Variants in ERI2 observed in about 807,000 individuals in gnomAD.
ERI2 encodes ERI1 exoribonuclease family member 2.
ERI2 carries 35 observed loss-of-function variants against 46.8 expected under a neutral mutation model. That is an observed-to-expected ratio of 0.75 (90% CI 0.57 to 0.99). The LOEUF (loss-of-function observed/expected upper bound fraction) is 0.99. Among genes scored for constraint, ERI2 ranks in the 50% least tolerant of loss-of-function variants. The pLI, the probability that ERI2 is intolerant of heterozygous loss-of-function variation, is 0.00. For missense variants in ERI2, 695 were observed against 796.2 expected, an observed-to-expected ratio of 0.87 and a Z score of 1.53; for synonymous variants, 224 against 271.0, an observed-to-expected ratio of 0.83 and a Z score of 1.70.
intron 10 of ERI2, among the ~76,000 whole-genome samples, chr16:20,782,551 C>T (rs770882843): frequency 1.6e-4 from 24 of 152,152 alleles, no homozygotes; most frequent in Non-Finnish European, 2.8e-4. Flanking sequence ...CCACATTGAC[C>T]AATTCTCCAA....
In ERI2 at chr16:20,798,265, A is replaced by C; in HGVS notation, c.1535T>G (p.Val512Gly). Residue 512 changes from valine to glycine, a missense_variant, in exon 9 of 9, where the codon GTT becomes GGT. Val to Gly is a moderately radical substitution (Grantham distance 109). Coordinates refer to ENST00000357967, the MANE Select transcript of ERI2 (RefSeq NM_001142725.2). ...PEHKSSTFNR[V>G]NANMSHPLVL... Reference sequence around the variant, plus strand: ...TAAAGGATGAGACATATTGGCATTAACTCTGTTGAAGGTACTTGATTTGTG... The same window carrying C: ...TAAAGGATGAGACATATTGGCATTACCTCTGTTGAAGGTACTTGATTTGTG... 1 of 1,551,492 alleles carries C rather than the reference A, an allele frequency of 6.4e-7. No homozygotes were observed. The highest frequency in any genetic ancestry group is 8.7e-7 in the Non-Finnish European group (1 of 1,146,900).
intron 10 of ERI2, chr16:20,786,387 G>C (rs565994827): frequency 1.1e-6 from 1 of 879,522 alleles, no homozygotes; most frequent in Non-Finnish European, 1.5e-6. Context: ...TTTAATAAAC[G>C]TTAACCCATT....
intron 10 of ERI2, chr16:20,781,049 T>C (rs2152468447): frequency 6.2e-7 from 1 of 1,614,036 alleles, no homozygotes; most frequent in Non-Finnish European, 8.5e-7. Flanking sequence ...CTGCATGGAG[T>C]AGTGTTTTTT....
Position 20,798,889 on chromosome 16 carries a change from A to G in ERI2, c.911T>C (p.Ile304Thr), listed in dbSNP as rs1025283237. 3.2e-6 allele frequency: 5 copies of G among 1,550,534 alleles called. No homozygotes were observed. Among genetic ancestry groups the G allele is most frequent in the African/African-American group, 2.7e-5 (2 of 72,960 alleles). The change falls in exon 9 of 9, where the codon ATA becomes ACA. Residue 304 changes from isoleucine (I) to threonine (T), a missense_variant. Transcript: ENST00000357967. ...QMKSICANSP[I>T]KAQQDQLQVK... ...TTGTAATTGATCCTGTTGTGCCTTT[A>G]TAGGAGAATTTGCACAAATTGACTT...
intron 3 of ERI2, 128 bp from the exon 4 acceptor site, chr16:20,803,051 A>T: frequency 1.0e-6 from 1 of 975,196 alleles, no homozygotes; most frequent in Non-Finnish European, 1.4e-6. Flanking sequence ...TACTAAAATG[A>T]CCAAAGCAGT....
intron 10 of ERI2, among the ~76,000 whole-genome samples, chr16:20,786,764 A>G (rs955402191): frequency 2.0e-5 from 3 of 152,212 alleles, no homozygotes; most frequent in African/African-American, 4.8e-5. Flanking sequence ...TTTTACAAAC[A>G]AGGCACAAAG....
Position 20,801,248 on chromosome 16 carries a change from G to C in ERI2, c.415C>G (p.Pro139Ala), listed in dbSNP as rs745752640. Residue 139 changes from proline to alanine, a missense_variant, in exon 5 of 9, where the codon CCT becomes GCT. Pro to Ala is a conservative substitution (Grantham distance 27). Coordinates refer to ENST00000357967, the MANE Select transcript of ERI2 (RefSeq NM_001142725.2). ...NIIFATGISE[P>A]SASEVKLCAF... ...CATAATTTTACTTCAGAAGCAGAAG[G>C]CTCTGAAATCCCAGTAGCAAAAATA... The C allele has an allele frequency of 6.2e-7, 1 of 1,612,254 alleles. No individual in the cohort carries two copies. Among genetic ancestry groups the C allele is most frequent in the Non-Finnish European group, 8.5e-7 (1 of 1,179,206 alleles).
chr16:20,784,615 C>T (rs2080428826), intron 10 of ERI2: 1 of 160,724 alleles, frequency 6.2e-6, no homozygotes, highest in Non-Finnish European at 1.3e-5. Context: ...TCCATGAAAA[C>T]ATAAAAATAA....
intron 1 of ERI2, 107 bp downstream of exon 1, chr16:20,806,301 G>A (rs752477333): frequency 6.7e-7 from 1 of 1,496,022 alleles, no homozygotes; most frequent in Non-Finnish European, 8.9e-7. Context: ...GGGCTGCGGG[G>A]AATAGAGGCC....
rs975003198 is a variant in ERI2, at chr16:20,797,149, A to G, written c.*575T>C. 2 of 1,354,188 alleles carry G rather than the reference A, an allele frequency of 1.5e-6. No homozygotes were observed. The highest frequency in any genetic ancestry group is 3.0e-5 in the African/African-American group (2 of 66,000). 83.9% of individuals were successfully genotyped at this position (1,354,188 alleles called of 1,614,324 possible). On this transcript the variant is annotated 3_prime_UTR_variant, in exon 9 of 9. Coordinates refer to ENST00000357967, the MANE Select transcript of ERI2 (RefSeq NM_001142725.2). ...AATTTTGAAATAAAATATTTGGCAA[A>G]TTCCTCCACATTAGTGTCAATGTTC...
At chr16:20,800,076 C>A in intron 6 of ERI2, 38 bp from the exon 7 acceptor site, 1 of 1,297,040 alleles carries the variant, frequency 7.7e-7, no homozygotes, top group Non-Finnish European at 1.1e-6. Flanking sequence ...AAGAAGATTA[C>A]TATTTTAAAG....
intron 4 of ERI2, 42 bp downstream of exon 4, chr16:20,802,754 C>A (rs1181898340): frequency 3.2e-6 from 5 of 1,568,170 alleles, no homozygotes; most frequent in South Asian, 1.2e-5. Flanking sequence ...CTTTTATTTT[C>A]TTTTTGAAAC....
At chr16:20,787,334 G>A (rs1322080185) in intron 10 of ERI2, among the ~76,000 whole-genome samples, 6 of 152,172 alleles carry the variant, frequency 3.9e-5, no homozygotes, top group Non-Finnish European at 8.8e-5. Flanking sequence ...GTAAAGTTGG[G>A]AAATAGTAAG....
chr16:20,782,167 C>G (rs2080365825), intron 10 of ERI2, among the ~76,000 whole-genome samples: 1 of 152,136 alleles, frequency 6.6e-6, no homozygotes. Context: ...ATTGCTGATT[C>G]CATTTGAAAG....
chr16:20,790,805 G>A lies in ERI2; in HGVS notation c.815+45C>T. 6.2e-7 allele frequency: 1 copy of A among 1,613,470 alleles called. No individual in the cohort carries two copies. The highest frequency in any genetic ancestry group is 8.5e-7 in the Non-Finnish European group (1 of 1,179,678). ...TACTTGACCCTTTCTTGAGAGATTG[G>A]TTGTCCTGAATAGTAATCCAAAAGA... is the stretch of plus-strand genomic sequence containing the variant. On this transcript the variant is annotated intron_variant, in intron 9 of 10. Transcript: ENST00000300005. The surrounding 1 kb of genome is among the most constrained non-coding windows in gnomAD (Gnocchi z 4.0).
At chr16:20,787,338 T>C (rs2080496802) in intron 10 of ERI2, among the ~76,000 whole-genome samples, 1 of 152,136 alleles carries the variant, frequency 6.6e-6, no homozygotes, top group African/African-American at 2.4e-5. Context: ...AGTTGGGAAA[T>C]AGTAAGTTCG....
In ERI2 at chr16:20,781,253, C is replaced by G. The variant is rs931492658; in HGVS notation, c.895-519G>C. On this transcript the variant is annotated intron_variant, in intron 10 of 10. Coordinates refer to the ERI2 transcript ENST00000300005. ...CAATATGATTTAAGATATGTCACAT[C>G]CAGAAAGTCAATAAGCCTGAAAAGA... The G allele has an allele frequency of 2.4e-6, 3 of 1,245,270 alleles. No individual in the cohort carries two copies. In the Admixed American group the frequency reaches 7.1e-5, roughly 30 times the overall value. The allele number at this position is 1,245,270 out of a possible 1,614,324, so 77.1% of individuals were successfully genotyped here. A position where few individuals can be genotyped will look rare whatever the true frequency, so the allele number is the denominator to read the frequency against.
At chr16:20,784,975 T>C (rs2080438935) in intron 10 of ERI2, 1 of 1,606,882 alleles carries the variant, frequency 6.2e-7, no homozygotes, top group Non-Finnish European at 8.5e-7. Flanking sequence ...TATCTGGTTT[T>C]CTGAGAAGCT....
chr16:20,785,205 GGAGTT>G, intron 10 of ERI2: 1 of 1,476,486 alleles, frequency 6.8e-7, no homozygotes, highest in East Asian at 2.3e-5. Flanking sequence ...TTGAGGGATA[GGAGTT>G]GAGTGGTTAG....
Sources: gnomAD v4.1 joint callset for allele counts (sites outside exome capture counted in the v4.1 genomes callset) on GRCh38, gnomAD v4.1.1 for gene constraint, Gnocchi (gnomAD v3.1) non-coding constraint, MANE v1.5 for transcripts, NCBI Gene and HGNC (gene_info 2026-07-23, HGNC 2026-07-21) for gene names.